TENM2: variants seen among roughly 807,000 people sequenced by gnomAD.
TENM2 encodes teneurin-2.
Under a neutral mutation model 245.2 loss-of-function variants are expected in TENM2, and 52 were observed. The ratio of observed to expected loss-of-function variants is 0.21; its 90% CI spans 0.17 to 0.27. The LOEUF is 0.27. TENM2 is among the 10% of genes least tolerant of loss of function. The pLI, the probability that TENM2 is intolerant of heterozygous loss-of-function variation, is 1.00. For synonymous variants in TENM2, 1,363 were observed against 1,438.9 expected (o/e 0.95, Z 1.19); for missense variants, 3,046 against 3,666.8 (o/e 0.83, Z 4.37).
At chr5:167,453,169 T>C (rs184306805) in intron 2 of TENM2, among the ~76,000 whole-genome samples, 79 of 151,658 alleles carry the variant, frequency 5.2e-4, no homozygotes, top group African/African-American at 1.7e-3. Flanking sequence ...TTTGGAAGCT[T>C]CAGTTCCTTA....
the TENM2 span, among the ~76,000 whole-genome samples, chr5:167,021,782 A>G: frequency 6.6e-6 from 1 of 152,190 alleles, no homozygotes; most frequent in Non-Finnish European, 1.5e-5. Context: ...TGGAGCCAGA[A>G]CATCTGGGTT....
the TENM2 span, among the ~76,000 whole-genome samples, chr5:167,241,063 T>C: frequency 2.0e-5 from 3 of 152,162 alleles, no homozygotes; most frequent in Admixed American, 1.3e-4. Context: ...CAATTCCAAA[T>C]TGCGTTTACA....
chr5:168,037,934 A>G (rs889573670), intron 5 of TENM2, among the ~76,000 whole-genome samples: 1 of 152,228 alleles, frequency 6.6e-6, no homozygotes, highest in Non-Finnish European at 1.5e-5. Context: ...TGTGACACAG[A>G]AAAGGAAACC....
chr5:167,119,111 C>T, the TENM2 span, among the ~76,000 whole-genome samples: 1 of 152,192 alleles, frequency 6.6e-6, no homozygotes, highest in African/African-American at 2.4e-5. Context: ...CTTTCTGCCT[C>T]AGTTTCCTCA....
the TENM2 span, among the ~76,000 whole-genome samples, chr5:167,161,087 A>G: frequency 1.3e-5 from 2 of 152,232 alleles, no homozygotes; most frequent in African/African-American, 2.4e-5. Context: ...TAAATTGTGG[A>G]TATGATGCAA....
intron 6 of TENM2, among the ~76,000 whole-genome samples, chr5:168,048,168 G>A (rs971299743): frequency 2.2e-5 from 3 of 137,954 alleles, no homozygotes; most frequent in African/African-American, 8.1e-5. Context: ...CTGTATCCTT[G>A]AAGGGAAAAA....
intron 2 of TENM2, among the ~76,000 whole-genome samples, chr5:167,606,629 C>T (rs566869368): frequency 1.3e-5 from 2 of 152,144 alleles, no homozygotes; most frequent in East Asian, 1.9e-4. Context: ...TTCCCAACCC[C>T]GACTACACAT....
rs1482134711 is a variant in TENM2 at position 167,862,579 on chromosome 5, G to GC, written c.503-13403dup. On this transcript the variant is annotated intron_variant, in intron 2 of 28. Transcript: ENST00000518659. ...GTTTTCTCCCTTCATGCTTCTTTGT[G>GC]CCCCAAGGCCATTTTTCTTATGTCT... is the stretch of plus-strand genomic sequence containing the variant. Among the ~76,000 whole-genome samples, 19 of 152,238 alleles carry GC rather than the reference G, an allele frequency of 1.2e-4. No homozygotes were observed. The East Asian group carries it at 3.7e-3, about 29-fold the overall frequency.
At chr5:167,568,651 G>GTGTGTGTGTGTA (rs1227257631) in intron 2 of TENM2, among the ~76,000 whole-genome samples, 3 of 145,268 alleles carry the variant, frequency 2.1e-5, no homozygotes, top group African/African-American at 8.0e-5. Flanking sequence ...ACCATGGTGT[G>GTGTGTGTGTGTA]TGTGTGTGTG....
chr5:167,876,617 T>A (rs562762138), intron 3 of TENM2, among the ~76,000 whole-genome samples: 2 of 152,268 alleles, frequency 1.3e-5, no homozygotes, highest in African/African-American at 2.4e-5. Context: ...TTGTTGTTTG[T>A]TTGTTTGTTT....
At chr5:167,757,724 C>A (rs2150687432) in intron 2 of TENM2, among the ~76,000 whole-genome samples, 1 of 152,270 alleles carries the variant, frequency 6.6e-6, no homozygotes, top group East Asian at 1.9e-4. Context: ...TAAAAGCGTT[C>A]CTGTTTCTCC....
intron 2 of TENM2, among the ~76,000 whole-genome samples, chr5:167,827,192 C>T (rs563361647): frequency 5.3e-5 from 8 of 152,340 alleles, no homozygotes; most frequent in African/African-American, 1.7e-4. Context: ...CCGGCATTGG[C>T]TGAACTTTTT....
the TENM2 span, among the ~76,000 whole-genome samples, chr5:167,142,052 C>T: frequency 1.3e-5 from 2 of 152,196 alleles, no homozygotes; most frequent in Admixed American, 6.5e-5. Context: ...ATTAACATTG[C>T]CTACAGTTCT....
intron 19 of TENM2, among the ~76,000 whole-genome samples, chr5:168,207,757 G>A (rs962742445): frequency 2.0e-5 from 3 of 151,980 alleles, no homozygotes; most frequent in South Asian, 2.1e-4. Context: ...TACCCACCCC[G>A]GAGCTGAGCC....
At chr5:167,255,073 CTTTTTTTTTT>C in the TENM2 span, among the ~76,000 whole-genome samples, 1 of 125,528 alleles carries the variant, frequency 8.0e-6, no homozygotes, top group South Asian at 2.5e-4. Context: ...CTTTTCTTTT[CTTTTTTTTTT>C]TTTTTGCTTT....
intron 2 of TENM2, among the ~76,000 whole-genome samples, chr5:167,628,518 A>G (rs1778660583): frequency 6.6e-6 from 1 of 152,092 alleles, no homozygotes; most frequent in Non-Finnish European, 1.5e-5. Context: ...TCTACCTCCT[A>G]AAACTATATT....
At chr5:167,091,452 C>A in the TENM2 span, among the ~76,000 whole-genome samples, 1 of 152,134 alleles carries the variant, frequency 6.6e-6, no homozygotes, top group South Asian at 2.1e-4. Flanking sequence ...TTTAACCTCA[C>A]AATGGCATTT....
chr5:167,341,881 A>G (rs537148050), intron 1 of TENM2, among the ~76,000 whole-genome samples: 6 of 152,172 alleles, frequency 3.9e-5, no homozygotes, highest in South Asian at 2.1e-4. Flanking sequence ...TCACCAAACA[A>G]TTTCCCCAAT....
At chr5:167,920,357 A>G (rs1777268660) in intron 3 of TENM2, among the ~76,000 whole-genome samples, 2 of 151,820 alleles carry the variant, frequency 1.3e-5, no homozygotes, top group African/African-American at 4.8e-5. Context: ...AAAAGAAAAA[A>G]AAAATCAAAA....
Sources: gnomAD v4.1 joint callset for allele counts (sites outside exome capture counted in the v4.1 genomes callset) on GRCh38, gnomAD v4.1.1 for gene constraint, MANE v1.5 for transcripts, NCBI Gene and HGNC (gene_info 2026-07-23, HGNC 2026-07-21) for gene names.